GOT2: variants seen among roughly 807,000 people sequenced by gnomAD.
GOT2 encodes aspartate aminotransferase, mitochondrial.
In GOT2, 17 loss-of-function variants were observed where a neutral mutation model predicts 50.0. That is an observed-to-expected ratio of 0.34 (90% confidence interval 0.23 to 0.51). The LOEUF is 0.51. GOT2 is among the 20% of genes least tolerant of loss of function. The pLI is 0.97. For missense variants in GOT2, 430 were observed against 559.6 expected, an observed-to-expected ratio of 0.77 and a Z score of 2.34; for synonymous variants, 172 against 204.9, an observed-to-expected ratio of 0.84 and a Z score of 1.37.
At chr16:58,725,667 T>A (rs918723504) in intron 1 of GOT2, among the ~76,000 whole-genome samples, 10 of 152,236 alleles carry the variant, frequency 6.6e-5, no homozygotes, top group Non-Finnish European at 7.3e-5. Context: ...ATAAAAGGGA[T>A]ACATGTGGCT....
Position 58,722,155 on chromosome 16 carries a change from C to T in GOT2, c.370G>A (p.Gly124Ser), listed in dbSNP as rs767522711. ...CCAGAGCCTGCTCAGCTTACCCGGCCACTCTTCAAGACTTCGCTGTTCTCA... is the reference window on the plus strand; with the variant it reads ...CCAGAGCCTGCTCAGCTTACCCGGCTACTCTTCAAGACTTCGCTGTTCTCA... ...LGENSEVLKS[G>S]RFVTVQTISG... Residue 124 changes from glycine (G) to serine (S), a missense_variant, in exon 3 of 10, where the codon GGC becomes AGC. Physicochemically the swap from Gly to Ser is moderately conservative, Grantham distance 56 (BLOSUM62 0). Transcript: ENST00000245206. 6.2e-7 allele frequency: 1 copy of T among 1,612,032 alleles called. No individual in the cohort carries two copies. The highest frequency in any genetic ancestry group is 1.3e-5 in the African/African-American group (1 of 74,966).
At chr16:58,713,582 GAA>G (rs1201471604) in intron 8 of GOT2, among the ~76,000 whole-genome samples, 2 of 152,210 alleles carry the variant, frequency 1.3e-5, no homozygotes, top group African/African-American at 4.8e-5. Flanking sequence ...CAGAGAGACA[GAA>G]AAAATAGTTG....
chr16:58,726,432 C>A (rs1046711315), intron 1 of GOT2, among the ~76,000 whole-genome samples: 10 of 152,260 alleles, frequency 6.6e-5, no homozygotes, highest in Non-Finnish European at 1.2e-4. Context: ...GATCCACCCA[C>A]CTCGGCCCCC....
In GOT2 at chr16:58,716,109, C is replaced by G; in HGVS notation, c.924G>C (p.Leu308Phe). ...ADEAKRVESQ[L>F]KILIRPMYSN... ...AATACATGGGACGGATCAAGATCTT[C>G]AACTGTGACTCTACCCTTTTGGCTT... Residue 308 changes from leucine to phenylalanine, a missense_variant, in exon 8 of 10, where the codon TTG (leucine) becomes TTC (phenylalanine). Coordinates refer to ENST00000245206, the MANE Select transcript of GOT2 (RefSeq NM_002080.4). The G allele has an allele frequency of 7.4e-6, 12 of 1,613,944 alleles. No individual in the cohort carries two copies. The highest frequency in any genetic ancestry group is 9.3e-6 in the Non-Finnish European group (11 of 1,179,854).
At chr16:58,709,613 C>A (rs1391935694) in intron 8 of GOT2, 46 bp from the exon 9 acceptor site, 1 of 1,551,224 alleles carries the variant, frequency 6.4e-7, no homozygotes, top group Non-Finnish European at 8.8e-7. Context: ...TAAGCACTGA[C>A]CGATATGCTG....
At chr16:58,727,053 C>T (rs2044792131) in intron 1 of GOT2, among the ~76,000 whole-genome samples, 1 of 152,048 alleles carries the variant, frequency 6.6e-6, no homozygotes, top group Admixed American at 6.5e-5. Flanking sequence ...ACTTGGGAGG[C>T]TGAGGCATGA....
At chr16:58,731,481 C>T (rs1224966275) in intron 1 of GOT2, among the ~76,000 whole-genome samples, 1 of 152,194 alleles carries the variant, frequency 6.6e-6, no homozygotes, top group Non-Finnish European at 1.5e-5. Context: ...ACCACAGTTG[C>T]ACACTGCATT....
chr16:58,710,780 A>G (rs1200658379), intron 8 of GOT2, among the ~76,000 whole-genome samples: 1 of 59,982 alleles, frequency 1.7e-5, no homozygotes, highest in African/African-American at 5.2e-5. Flanking sequence ...ATCCTGGCTA[A>G]CACGGTGAAA....
intron 1 of GOT2, among the ~76,000 whole-genome samples, chr16:58,725,828 T>G (rs1278920655): frequency 6.6e-6 from 1 of 152,174 alleles, no homozygotes; most frequent in Non-Finnish European, 1.5e-5. Context: ...GAGACCACAC[T>G]AGGATCAACA....
At chr16:58,720,154 A>G (rs1340778460) in intron 3 of GOT2, among the ~76,000 whole-genome samples, 1 of 152,204 alleles carries the variant, frequency 6.6e-6, no homozygotes, top group Non-Finnish European at 1.5e-5. Flanking sequence ...TTGAGCTGAG[A>G]TCGTGCTATT....
intron 1 of GOT2, among the ~76,000 whole-genome samples, chr16:58,725,397 G>A (rs559959533): frequency 6.6e-6 from 1 of 152,296 alleles, no homozygotes; most frequent in Middle Eastern, 3.4e-3. Flanking sequence ...TTACAGGCGT[G>A]AGCCACTGCG....
Position 58,734,123 on chromosome 16 carries a change from C to G in GOT2, c.89+17G>C, listed in dbSNP as rs990375908. On this transcript the variant is annotated intron_variant, in intron 1 of 9. Coordinates refer to ENST00000245206, the MANE Select transcript of GOT2 (RefSeq NM_002080.4). ...AGGGCCATCGCCCTGGCTCCATCTCCGTTTCCCTTGGCTTACCTGGCTCTG... is the reference window on the plus strand; with the variant it reads ...AGGGCCATCGCCCTGGCTCCATCTCGGTTTCCCTTGGCTTACCTGGCTCTG... The G allele has an allele frequency of 7.7e-7, 1 of 1,304,904 alleles. No homozygotes were observed. Among genetic ancestry groups the G allele is most frequent in the Non-Finnish European group, 9.8e-7 (1 of 1,020,370 alleles). 80.8% of individuals were successfully genotyped at this position (1,304,904 alleles called of 1,614,324 possible).
intron 1 of GOT2, among the ~76,000 whole-genome samples, chr16:58,730,393 T>A (rs2044825207): frequency 6.6e-6 from 1 of 150,678 alleles, no homozygotes; most frequent in Non-Finnish European, 1.5e-5. Context: ...GGGATACAAT[T>A]TTTTTTTTTG....
At chr16:58,718,771 T>C (rs932415168) in intron 4 of GOT2, 83 bp from the exon 5 acceptor site, 2 of 1,163,994 alleles carry the variant, frequency 1.7e-6, no homozygotes, top group East Asian at 2.5e-5. Flanking sequence ...AGAGAACATT[T>C]TTCTCTGCTG....
chr16:58,710,519 T>C (rs894922516), intron 8 of GOT2, among the ~76,000 whole-genome samples: 2 of 151,644 alleles, frequency 1.3e-5, no homozygotes, highest in Admixed American at 6.6e-5. Context: ...GACATAAGCC[T>C]GGCCTTAAAT....
chr16:58,733,704 C>T (rs1427516347), intron 1 of GOT2, among the ~76,000 whole-genome samples: 1 of 152,060 alleles, frequency 6.6e-6, no homozygotes, highest in African/African-American at 2.4e-5. Context: ...GGCAGCCAGC[C>T]GCCGCCGGCC....
chr16:58,718,982 A>G (rs1383200277), intron 4 of GOT2, among the ~76,000 whole-genome samples: 4 of 152,242 alleles, frequency 2.6e-5, no homozygotes, highest in Non-Finnish European at 4.4e-5. Flanking sequence ...CCTAGTAAAT[A>G]GTAAGTTCCT....
chr16:58,719,120 A>G, intron 4 of GOT2, 76 bp downstream of exon 4: 1 of 1,003,486 alleles, frequency 1.0e-6, no homozygotes, highest in Non-Finnish European at 1.6e-6. Context: ...CTGCATCAAC[A>G]GTCAAATACA....
intron 9 of GOT2, 168 bp downstream of exon 9, chr16:58,709,249 C>T (rs752806173): frequency 1.0e-4 from 66 of 631,676 alleles, no homozygotes; most frequent in Non-Finnish European, 1.5e-4. Flanking sequence ...GGTTTCAGAG[C>T]GAGACTGTCT....
Sources: allele counts gnomAD v4.1 joint callset (sites outside exome capture counted in the v4.1 genomes callset), GRCh38; gene constraint gnomAD v4.1.1; transcripts MANE v1.5; gene names NCBI Gene and HGNC (gene_info 2026-07-23, HGNC 2026-07-21).